BTBD2: variants seen among roughly 807,000 people sequenced by gnomAD.
The protein encoded by BTBD2 is BTB domain containing 2, also known as BTB/POZ domain-containing protein 2.
A neutral mutation model predicts 44.0 loss-of-function variants in BTBD2; 15 were observed. That is an observed-to-expected ratio of 0.34 (90% CI 0.23 to 0.53). The LOEUF (loss-of-function observed/expected upper bound fraction) is 0.53. BTBD2 is among the 20% of genes least tolerant of loss of function. The pLI is 0.95. For synonymous variants in BTBD2, 443 were observed against 335.9 expected (o/e 1.32, Z -3.49); for missense variants, 657 against 746.4 (o/e 0.88, Z 1.39).
chr19:1,986,604 G>A lies in BTBD2; in HGVS notation c.1462C>T (p.His488Tyr), dbSNP rs1263015714. The A allele has an allele frequency of 3.7e-6, 6 of 1,613,984 alleles. No individual in the cohort carries two copies. In the Middle Eastern group the frequency reaches 5.0e-4, roughly 133 times the overall value. The change falls in exon 9 of 9, where the codon CAC becomes TAC. Residue 488 changes from histidine (H) to tyrosine (Y), a missense_variant. His to Tyr is a moderately conservative substitution (Grantham distance 83). Transcript: ENST00000255608. ...YGTKGLRKVT[H>Y]ESPTTGAKTC... is the part of the protein sequence containing the mutation. Reference sequence around the variant, plus strand: ...TTGGCGCCCGTGGTGGGCGACTCGTGTGTCACCTTGCGCAGGCCTTTGGTG... The same window carrying A: ...TTGGCGCCCGTGGTGGGCGACTCGTATGTCACCTTGCGCAGGCCTTTGGTG...
intron 1 of BTBD2, among the ~76,000 whole-genome samples, chr19:2,001,915 T>G (rs1883214685): frequency 1.3e-5 from 2 of 149,536 alleles, no homozygotes; most frequent in Admixed American, 1.3e-4. Context: ...ATTTGTGTAT[T>G]TTTTTAGTAG....
intron 5 of BTBD2, among the ~76,000 whole-genome samples, chr19:1,989,136 A>T (rs1256591436): frequency 6.6e-6 from 1 of 152,158 alleles, no homozygotes; most frequent in Non-Finnish European, 1.5e-5. Flanking sequence ...GCCCATGTCC[A>T]TAATCCCAGC....
chr19:1,989,989 C>T lies in BTBD2; in HGVS notation c.988+15G>A, dbSNP rs754099070. ...CTCCCCTCCCAAACCAGCCCCTGAG[C>T]CCGAGCTCTGTTACCTGCAGCGAAC... On this transcript the variant is annotated intron_variant, in intron 5 of 8. Transcript: ENST00000255608. 3.7e-6 allele frequency: 6 copies of T among 1,612,502 alleles called. No individual in the cohort carries two copies. Among genetic ancestry groups the T allele is most frequent in the South Asian group, 2.2e-5 (2 of 91,048 alleles).
chr19:2,001,022 G>A (rs571288481), intron 1 of BTBD2, among the ~76,000 whole-genome samples: 214 of 152,114 alleles, frequency 1.4e-3, no homozygotes, highest in African/African-American at 4.8e-3. Flanking sequence ...AGTGGCTCAC[G>A]CCTGTACTCC....
chr19:2,013,605 C>T, intron 1 of BTBD2: 3 of 987,618 alleles, frequency 3.0e-6, no homozygotes, highest in Non-Finnish European at 3.6e-6. Context: ...TGGGTGGTCA[C>T]TGAAGTGGGA....
Position 1,990,189 on chromosome 19 carries a change from G to C in BTBD2, c.803C>G (p.Ala268Gly). The C allele has an allele frequency of 6.2e-7, 1 of 1,600,162 alleles. No individual in the cohort carries two copies. Among genetic ancestry groups the C allele is most frequent in the Non-Finnish European group, 8.5e-7 (1 of 1,174,346 alleles). ...GCCCAGTGTGTCGCGCTCCAGGACAGCCACCAGCGTGTCTGTGGGGTGGAG... is the reference window on the plus strand; with the variant it reads ...GCCCAGTGTGTCGCGCTCCAGGACACCCACCAGCGTGTCTGTGGGGTGGAG... Reference protein sequence around the residue: ...FTDIDLDTLVAVLERDTLGIR... With the variant: ...FTDIDLDTLVGVLERDTLGIR... The change falls in exon 5 of 9, where the codon GCT becomes GGT. Residue 268 changes from alanine to glycine, a missense_variant. Coordinates refer to ENST00000255608, the MANE Select transcript of BTBD2 (RefSeq NM_017797.4).
chr19:1,999,832 G>C (rs532891835), intron 1 of BTBD2, among the ~76,000 whole-genome samples: 31 of 150,476 alleles, frequency 2.1e-4, no homozygotes, highest in South Asian at 6.3e-4. Context: ...CGTGGTGGTG[G>C]GTGCCTGTAA....
At chr19:1,998,861 C>T (rs544428882) in intron 1 of BTBD2, among the ~76,000 whole-genome samples, 4 of 152,246 alleles carry the variant, frequency 2.6e-5, no homozygotes, top group East Asian at 1.9e-4. Flanking sequence ...TCGGCCTGCG[C>T]GCGGCGGAGC....
Position 1,987,610 on chromosome 19 carries a change from C to T in BTBD2, c.1071G>A (p.Val357=), listed in dbSNP as rs533336410. 15 of 1,612,836 alleles carry T rather than the reference C, an allele frequency of 9.3e-6. No individual in the cohort carries two copies. The South Asian group carries it at 1.4e-4, about 15-fold the overall frequency. The part of the protein sequence containing the change: ...LHFTVNPKPR[V]EFIDRPRCCL... ...AGCAGCGGGGCCGGTCAATGAACTC[C>T]ACTCGTGGCTTGGGGTTGACGGTGA... Residue 357 remains valine, a synonymous_variant, in exon 6 of 9, where the codon GTG becomes GTA. Coordinates refer to ENST00000255608, the MANE Select transcript of BTBD2 (RefSeq NM_017797.4).
chr19:1,986,976 T>C lies in BTBD2; in HGVS notation c.1270A>G (p.Ile424Val), dbSNP rs2016094797. ...ACGGTGTTGCTATCGGTGTGAATAATCTGCGGGGAGGTGGGAAGTGGGAGG... is the reference window on the plus strand; with the variant it reads ...ACGGTGTTGCTATCGGTGTGAATAACCTGCGGGGAGGTGGGAAGTGGGAGG... ...GPTDYQVNIQ[I>V]IHTDSNTVLG... The change falls in exon 8 of 9, where the codon ATT becomes GTT. Residue 424 changes from isoleucine (I) to valine (V), a missense_variant and splice_region_variant. This residue lies in a region of BTBD2 where 449 missense variants were observed against 510.9 expected (regional missense o/e 0.88). Coordinates refer to ENST00000255608, the MANE Select transcript of BTBD2 (RefSeq NM_017797.4). The C allele has an allele frequency of 2.5e-6, 4 of 1,610,928 alleles. No individual in the cohort carries two copies. Among genetic ancestry groups the C allele is most frequent in the South Asian group, 1.1e-5 (1 of 90,898 alleles).
At chr19:2,007,088 C>T (rs1209214565) in intron 1 of BTBD2, among the ~76,000 whole-genome samples, 1 of 152,050 alleles carries the variant, frequency 6.6e-6, no homozygotes, top group Admixed American at 6.6e-5. Flanking sequence ...GAACTCCTGA[C>T]CTCATGATCC....
chr19:2,015,153 G>T, intron 1 of BTBD2, 144 bp downstream of exon 1: 1 of 1,285,832 alleles, frequency 7.8e-7, no homozygotes, highest in Non-Finnish European at 1.0e-6. Flanking sequence ...GGGGTGCAGG[G>T]GTCCCGGGGA....
At chr19:2,000,222 C>G (rs1438121387) in intron 1 of BTBD2, among the ~76,000 whole-genome samples, 1 of 152,086 alleles carries the variant, frequency 6.6e-6, no homozygotes, top group Non-Finnish European at 1.5e-5. Flanking sequence ...TTGGGACTGC[C>G]GCCCGCCCGT....
intron 2 of BTBD2, among the ~76,000 whole-genome samples, chr19:1,993,995 CAAAAAAAAAAAAAA>C (rs542137742): frequency 8.8e-4 from 22 of 24,962 alleles, no homozygotes; most frequent in South Asian, 6.9e-3. Context: ...GAATCCGTCT[CAAAAAAAAAAAAAA>C]AAAAAAAAAA....
At chr19:2,012,844 G>A (rs934344805) in intron 1 of BTBD2, among the ~76,000 whole-genome samples, 2 of 152,146 alleles carry the variant, frequency 1.3e-5, no homozygotes, top group Non-Finnish European at 1.5e-5. Context: ...AAGGTCAGCC[G>A]GTGCCCGGGG....
intron 2 of BTBD2, among the ~76,000 whole-genome samples, chr19:1,993,605 G>C (rs1365008298): frequency 1.3e-5 from 2 of 151,978 alleles, no homozygotes; most frequent in Non-Finnish European, 2.9e-5. Context: ...AACCCAACAC[G>C]CTAATTAGGA....
In BTBD2 at chr19:1,986,406, G is replaced by A; in HGVS notation, c.*82C>T. 1 of 1,551,796 alleles carries A rather than the reference G, an allele frequency of 6.4e-7. No homozygotes were observed. The highest frequency in any genetic ancestry group is 1.7e-5 in the Admixed American group (1 of 58,680). On this transcript the variant is annotated 3_prime_UTR_variant, in exon 9 of 9. Transcript: ENST00000255608. ...GGGGACACTGGGCCTGGCACCGCGT[G>A]GTGGGGGGGCCCCAGCAGCAGATGA...
At chr19:2,011,323 T>G (rs2016461767) in intron 1 of BTBD2, among the ~76,000 whole-genome samples, 1 of 151,872 alleles carries the variant, frequency 6.6e-6, no homozygotes, top group African/African-American at 2.4e-5. Context: ...CCCGCTGCTG[T>G]CTCCTGCCTG....
intron 1 of BTBD2, among the ~76,000 whole-genome samples, chr19:2,001,007 G>C (rs1420416304): frequency 6.6e-6 from 1 of 152,226 alleles, no homozygotes; most frequent in African/African-American, 2.4e-5. Context: ...ATGGGGGACG[G>C]GCACAGTGGC....
Sources: allele counts gnomAD v4.1 joint callset (sites outside exome capture counted in the v4.1 genomes callset), GRCh38; gene constraint gnomAD v4.1.1; regional missense constraint gnomAD v4.1.1; transcripts MANE v1.5; gene names NCBI Gene and HGNC (gene_info 2026-07-23, HGNC 2026-07-21).